The following SLC12A7 variants were observed in gnomAD, a reference collection of about 807,000 sequenced individuals.
SLC12A7 encodes K-Cl cotransporter 4.
SLC12A7 carries 100 observed loss-of-function variants against 120.6 expected under a neutral mutation model. The ratio of observed to expected loss-of-function variants is 0.83; its 90% CI spans 0.71 to 0.98. The LOEUF is 0.98. Ranked by LOEUF, SLC12A7 falls within the 50% of genes least tolerant of loss-of-function variation. The probability of loss-of-function intolerance (pLI) is 0.00; values close to 1 mark genes in which losing one functional copy is unlikely to be tolerated. For synonymous variants in SLC12A7, 760 were observed against 678.0 expected, an observed-to-expected ratio of 1.12 and a Z score of -1.88; for missense variants, 1,373 against 1,548.1, an observed-to-expected ratio of 0.89 and a Z score of 1.90.
intron 21 of SLC12A7, 88 bp from the exon 22 acceptor site, chr5:1,057,737 C>T (rs1429685741): frequency 1.5e-6 from 2 of 1,322,208 alleles, no homozygotes; most frequent in Admixed American, 2.1e-5. Context: ...GAGGTGAGGG[C>T]AGCTCACAGA....
chr5:1,076,720 C>T lies in SLC12A7; in HGVS notation c.1722G>A (p.Leu574=). Residue 574 remains leucine, a synonymous_variant, in exon 13 of 24, where the codon CTG becomes CTA. Coordinates refer to ENST00000264930, the MANE Select transcript of SLC12A7 (RefSeq NM_006598.3). The part of the protein sequence containing the change: ...ICETGILIAS[L]DSVAPILSMF... ...TGGAGAGGATCGGGGCCACGCTGTC[C>T]AGAGAGGCGATGAGGATGCCAGTCT... 2 of 1,611,402 alleles carry T rather than the reference C, an allele frequency of 1.2e-6. No homozygotes were observed. Among genetic ancestry groups the T allele is most frequent in the East Asian group, 4.5e-5 (2 of 44,836 alleles).
chr5:1,117,687 A>T, the SLC12A7 span, among the ~76,000 whole-genome samples: 7 of 152,192 alleles, frequency 4.6e-5, no homozygotes, highest in Non-Finnish European at 1.0e-4. The surrounding 1 kb of genome is among the most constrained non-coding windows in gnomAD (Gnocchi z 4.5). Context: ...TCCGCACAAA[A>T]GGACAGCTTC....
intron 4 of SLC12A7, among the ~76,000 whole-genome samples, chr5:1,088,703 TG>T (rs1176220433): frequency 1.6e-4 from 24 of 152,236 alleles, no homozygotes; most frequent in African/African-American, 4.8e-4. Flanking sequence ...CTGAGATGCC[TG>T]TCCGCAGACA....
intron 16 of SLC12A7, 36 bp from the exon 17 acceptor site, chr5:1,073,837 C>T (rs777608833): frequency 2.0e-5 from 27 of 1,378,836 alleles, no homozygotes; most frequent in Middle Eastern, 1.9e-4. Flanking sequence ...ACCACGGCAA[C>T]GCTTACCAGG....
intron 13 of SLC12A7, among the ~76,000 whole-genome samples, 170 bp downstream of exon 13, chr5:1,076,524 G>A (rs559003728): frequency 1.5e-5 from 2 of 134,056 alleles, no homozygotes; most frequent in Non-Finnish European, 3.3e-5. Context: ...GCTGCCTGGA[G>A]GCCTGTGTAC....
the SLC12A7 span, among the ~76,000 whole-genome samples, chr5:1,153,367 C>A: frequency 6.6e-6 from 1 of 152,258 alleles, no homozygotes; most frequent in Non-Finnish European, 1.5e-5. Context: ...AATGTGCAAA[C>A]ATTCACAGCC....
the SLC12A7 span, among the ~76,000 whole-genome samples, chr5:1,126,294 G>C: frequency 6.6e-6 from 1 of 152,120 alleles, no homozygotes; most frequent in East Asian, 1.9e-4. Flanking sequence ...TCACCATGTT[G>C]GCCAGGCTGG....
chr5:1,096,506 C>T (rs1040792317), intron 1 of SLC12A7, among the ~76,000 whole-genome samples: 8 of 151,896 alleles, frequency 5.3e-5, no homozygotes, highest in African/African-American at 1.9e-4. Flanking sequence ...GGCCCTTCCC[C>T]ACTCCTCTTC....
chr5:1,152,956 C>G, the SLC12A7 span, among the ~76,000 whole-genome samples: 15 of 152,362 alleles, frequency 9.8e-5, no homozygotes, highest in Admixed American at 7.8e-4. Flanking sequence ...CTGTGGCGCC[C>G]AACGCATGCC....
At chr5:1,126,772 A>G in the SLC12A7 span, among the ~76,000 whole-genome samples, 2 of 152,214 alleles carry the variant, frequency 1.3e-5, no homozygotes, top group Non-Finnish European at 2.9e-5. Flanking sequence ...TATAATGAAA[A>G]TACAACCTAT....
At chr5:1,132,889 G>A in the SLC12A7 span, among the ~76,000 whole-genome samples, 6 of 152,218 alleles carry the variant, frequency 3.9e-5, no homozygotes, top group Non-Finnish European at 8.8e-5. Flanking sequence ...TTATTTTGAT[G>A]TAGTGTGACC....
At chr5:1,098,297 C>G (rs1471043696) in intron 1 of SLC12A7, among the ~76,000 whole-genome samples, 5 of 20,524 alleles carry the variant, frequency 2.4e-4, no homozygotes, top group Non-Finnish European at 4.4e-4. Context: ...GCAAGCCCAG[C>G]CCCCCTCTAA....
At chr5:1,052,622 A>G (rs201973795) in intron 23 of SLC12A7, among the ~76,000 whole-genome samples, 171 bp from the exon 24 acceptor site, 1 of 65,820 alleles carries the variant, frequency 1.5e-5, no homozygotes, top group African/African-American at 3.2e-5. Flanking sequence ...GGCGGGGAGG[A>G]GCAGGGCAGG....
At chr5:1,134,075 C>A in the SLC12A7 span, among the ~76,000 whole-genome samples, 1 of 152,204 alleles carries the variant, frequency 6.6e-6, no homozygotes, top group Admixed American at 6.5e-5. Flanking sequence ...GCCCAGCCTC[C>A]CCTTTAAAAG....
At chr5:1,142,350 C>T in the SLC12A7 span, among the ~76,000 whole-genome samples, 5 of 87,806 alleles carry the variant, frequency 5.7e-5, no homozygotes, top group African/African-American at 2.0e-4. Context: ...CTCCCCTCTT[C>T]CCTCTCCCCT....
intron 15 of SLC12A7, among the ~76,000 whole-genome samples, chr5:1,074,981 C>T (rs1476757217): frequency 2.1e-5 from 3 of 142,898 alleles, no homozygotes; most frequent in Non-Finnish European, 3.1e-5. Flanking sequence ...GGGCACGAGG[C>T]GGGTGCAGGT....
intron 3 of SLC12A7, among the ~76,000 whole-genome samples, chr5:1,091,670 C>G (rs967035845): frequency 6.6e-6 from 1 of 152,058 alleles, no homozygotes; most frequent in African/African-American, 2.4e-5. Flanking sequence ...ACAGCGTCCA[C>G]GTGCGGAAAG....
chr5:1,146,356 C>CA, the SLC12A7 span, among the ~76,000 whole-genome samples: 1 of 97,530 alleles, frequency 1.0e-5, no homozygotes, highest in Non-Finnish European at 2.5e-5. The surrounding 1 kb of genome is among the most constrained non-coding windows in gnomAD (Gnocchi z 6.5). Flanking sequence ...CACGGACCTC[C>CA]AGGCCTGGGT....
chr5:1,096,813 GAGGGA>G lies in SLC12A7; in HGVS notation c.125-2570_125-2566del, dbSNP rs1215331325. Among the ~76,000 whole-genome samples, 94 of 57,708 alleles carry G rather than the reference GAGGGA, an allele frequency of 1.6e-3. 11 individuals carry two copies. Among genetic ancestry groups the G allele is most frequent in the African/African-American group, 3.8e-3 (69 of 18,204 alleles). The allele number at this position is 57,708 out of a possible 152,430, so 37.9% of individuals were successfully genotyped here. On this transcript the variant is annotated intron_variant, in intron 1 of 23. Coordinates refer to ENST00000264930, the MANE Select transcript of SLC12A7 (RefSeq NM_006598.3). ...GGAAGGAAGGAGGGAGGGAAGGAAG[GAGGGA>G]AGGGAGGGAAGGAAGGAGGGAGGGA...
Sources: gnomAD v4.1 joint callset for allele counts (sites outside exome capture counted in the v4.1 genomes callset) on GRCh38, gnomAD v4.1.1 for gene constraint, Gnocchi (gnomAD v3.1) non-coding constraint, MANE v1.5 for transcripts, NCBI Gene and HGNC (gene_info 2026-07-23, HGNC 2026-07-21) for gene names.